Variants in ESRRG observed in about 807,000 individuals in gnomAD.
The protein encoded by ESRRG is estrogen-related receptor gamma.
ESRRG carries 13 observed loss-of-function variants against 44.0 expected under a neutral mutation model. That is an observed-to-expected ratio of 0.30 (90% confidence interval 0.19 to 0.47). ESRRG has a LOEUF of 0.47. ESRRG is among the 20% of genes least tolerant of loss of function. The pLI is 1.00. For synonymous variants in ESRRG, 215 were observed against 214.6 expected (o/e 1.00, Z -0.02); for missense variants, 395 against 580.6 (o/e 0.68, Z 3.29).
At chr1:216,575,393 A>G (rs2061517935) in intron 3 of ESRRG, among the ~76,000 whole-genome samples, 1 of 152,090 alleles carries the variant, frequency 6.6e-6, no homozygotes, top group Non-Finnish European at 1.5e-5. Flanking sequence ...TTAACTCATC[A>G]TACCTACCTC....
chr1:216,583,233 A>C (rs2063140372), intron 3 of ESRRG, among the ~76,000 whole-genome samples: 1 of 152,218 alleles, frequency 6.6e-6, no homozygotes, highest in Admixed American at 6.5e-5. Context: ...GACCACCAGA[A>C]TATTAGTATC....
At chr1:217,135,017 C>T (rs1233730402) in intron 1 of ESRRG, among the ~76,000 whole-genome samples, 1 of 152,224 alleles carries the variant, frequency 6.6e-6, no homozygotes, top group East Asian at 1.9e-4. Flanking sequence ...CCTCTCCTTT[C>T]CCCGCTTTCC....
intron 2 of ESRRG, among the ~76,000 whole-genome samples, chr1:216,841,268 G>A (rs749368914): frequency 6.6e-6 from 1 of 152,034 alleles, no homozygotes; most frequent in Non-Finnish European, 1.5e-5. Context: ...CGCACACTCA[G>A]GGTAGACTCC....
At chr1:216,765,420 CT>C (rs1193055749) in intron 2 of ESRRG, among the ~76,000 whole-genome samples, 1 of 152,116 alleles carries the variant, frequency 6.6e-6, no homozygotes, top group East Asian at 1.9e-4. Flanking sequence ...GTGATCACCC[CT>C]AGTCTTATAG....
chr1:216,519,826 A>AAT (rs1553288459), intron 5 of ESRRG, among the ~76,000 whole-genome samples: 3 of 151,112 alleles, frequency 2.0e-5, no homozygotes, highest in African/African-American at 7.3e-5. Flanking sequence ...AAAAAAAAAA[A>AAT]AAGAAGAAGA....
At chr1:216,703,484 T>C (rs1014069508) in intron 1 of ESRRG, among the ~76,000 whole-genome samples, 11 of 152,206 alleles carry the variant, frequency 7.2e-5, no homozygotes, top group African/African-American at 2.7e-4. Context: ...GCAAACAGTG[T>C]TCCAGTGACT....
chr1:216,773,688 G>A (rs1056725800), intron 2 of ESRRG, among the ~76,000 whole-genome samples: 11 of 152,204 alleles, frequency 7.2e-5, no homozygotes, highest in African/African-American at 1.4e-4. Flanking sequence ...TTTTATATAA[G>A]GGAAAATAGT....
chr1:216,859,040 G>A (rs1210724866), intron 2 of ESRRG, among the ~76,000 whole-genome samples: 1 of 152,162 alleles, frequency 6.6e-6, no homozygotes, highest in Admixed American at 6.5e-5. Flanking sequence ...AAATGTGAAT[G>A]TGTGTTATTA....
At chr1:216,586,995 T>C (rs1043061742) in intron 3 of ESRRG, among the ~76,000 whole-genome samples, 3 of 152,326 alleles carry the variant, frequency 2.0e-5, no homozygotes, top group Admixed American at 2.0e-4. Flanking sequence ...TATGAGTAAG[T>C]GTTTAATAAA....
At chr1:216,921,195 C>G (rs1578171149) in intron 2 of ESRRG, among the ~76,000 whole-genome samples, 1 of 151,996 alleles carries the variant, frequency 6.6e-6, no homozygotes, top group East Asian at 1.9e-4. Flanking sequence ...ACGTAGATAC[C>G]AGACACATCT....
intron 2 of ESRRG, among the ~76,000 whole-genome samples, chr1:216,842,299 G>C (rs1403327253): frequency 6.6e-6 from 1 of 152,128 alleles, no homozygotes; most frequent in East Asian, 1.9e-4. Context: ...CTGGTTCGTA[G>C]TTCAGAAAGA....
At chr1:216,523,596 CT>C (rs2046772760) in intron 5 of ESRRG, among the ~76,000 whole-genome samples, 1 of 150,290 alleles carries the variant, frequency 6.7e-6, no homozygotes, top group South Asian at 2.1e-4. Flanking sequence ...CAAAAAATAT[CT>C]GACGGCTAGT....
intron 2 of ESRRG, among the ~76,000 whole-genome samples, chr1:216,925,247 G>C (rs2062380433): frequency 1.3e-5 from 2 of 151,782 alleles, no homozygotes. Flanking sequence ...GACCAGCCTG[G>C]CCAACATGGT....
intron 1 of ESRRG, among the ~76,000 whole-genome samples, chr1:216,965,837 C>A (rs781535665): frequency 1.3e-5 from 2 of 152,168 alleles, no homozygotes; most frequent in Non-Finnish European, 2.9e-5. Flanking sequence ...GTCTGGTGCA[C>A]TACTCTAAGA....
intron 3 of ESRRG, among the ~76,000 whole-genome samples, chr1:216,611,023 T>A (rs1677526808): frequency 6.6e-6 from 1 of 151,864 alleles, no homozygotes. Flanking sequence ...ACCAACATGA[T>A]GAAACTCCGT....
intron 1 of ESRRG, among the ~76,000 whole-genome samples, chr1:217,114,068 C>T (rs2092691398): frequency 6.6e-6 from 1 of 151,976 alleles, no homozygotes; most frequent in South Asian, 2.1e-4. Flanking sequence ...AGATAAAACT[C>T]ATCAAAGAGA....
chr1:216,931,189 C>T (rs2063293027), intron 2 of ESRRG, among the ~76,000 whole-genome samples: 1 of 152,136 alleles, frequency 6.6e-6, no homozygotes, highest in African/African-American at 2.4e-5. Flanking sequence ...CACGTTTCTC[C>T]TAATTCTCAT....
intron 2 of ESRRG, among the ~76,000 whole-genome samples, chr1:216,732,513 A>T (rs1465109738): frequency 4.6e-5 from 7 of 151,906 alleles, no homozygotes; most frequent in Non-Finnish European, 1.0e-4. Flanking sequence ...AGTAGCTGAG[A>T]CTACAGGTGC....
chr1:216,903,888 C>T (rs2059382666), intron 2 of ESRRG, among the ~76,000 whole-genome samples: 1 of 152,110 alleles, frequency 6.6e-6, no homozygotes, highest in Admixed American at 6.5e-5. Context: ...TGCTTGGACA[C>T]TTGAGCATTT....
Sources: gnomAD v4.1 joint callset for allele counts (sites outside exome capture counted in the v4.1 genomes callset) on GRCh38, gnomAD v4.1.1 for gene constraint, MANE v1.5 for transcripts, NCBI Gene and HGNC (gene_info 2026-07-23, HGNC 2026-07-21) for gene names.